C2orf49: variants seen among roughly 807,000 people sequenced by gnomAD.
The protein encoded by C2orf49 is tRNA-splicing ligase complex subunit ASW.
A neutral mutation model predicts 20.6 loss-of-function variants in C2orf49; 11 were observed. That is an observed-to-expected ratio of 0.53 (90% CI 0.34 to 0.88). The LOEUF (loss-of-function observed/expected upper bound fraction) is 0.88. Ranked by LOEUF, C2orf49 falls within the 40% of genes least tolerant of loss-of-function variation. C2orf49 has a pLI of 0.02. For missense variants in C2orf49, 289 were observed against 274.2 expected (o/e 1.05, Z -0.38); for synonymous variants, 134 against 108.5 (o/e 1.24, Z -1.46).
At chr2:105,343,877 G>A (rs948342008) in intron 3 of C2orf49, among the ~76,000 whole-genome samples, 4 of 151,404 alleles carry the variant, frequency 2.6e-5, no homozygotes, top group East Asian at 1.9e-4. Context: ...ATATATAGGC[G>A]CTTCAGAAAA....
In C2orf49 at chr2:105,346,334, A is replaced by G. The variant is rs1421498507; in HGVS notation, c.*963A>G. The G allele has an allele frequency of 6.6e-6, 1 of 152,198 alleles. No homozygotes were observed. Among genetic ancestry groups the G allele is most frequent in the Admixed American group, 6.5e-5 (1 of 15,278 alleles). The allele number at this position is 152,198 out of a possible 1,614,324, so 9.4% of individuals were successfully genotyped here. A position where few individuals can be genotyped will look rare whatever the true frequency, so the allele number is the denominator to read the frequency against. On this transcript the variant is annotated 3_prime_UTR_variant, in exon 4 of 4. Coordinates refer to ENST00000258457, the MANE Select transcript of C2orf49 (RefSeq NM_024093.3). The stretch of plus-strand genomic sequence containing the variant: ...TCCTTGAAGTTGTAACAATTGATAC[A>G]TATATTATGAGTTGACTGGTCGATT...
chr2:105,339,514 T>G (rs1679606544), intron 1 of C2orf49, 69 bp from the exon 2 acceptor site: 1 of 1,409,436 alleles, frequency 7.1e-7, no homozygotes, highest in African/African-American at 1.5e-5. Context: ...TTTACCATGT[T>G]AGGTAAGGTG....
intron 3 of C2orf49, 74 bp downstream of exon 3, chr2:105,343,297 G>T: frequency 6.9e-7 from 1 of 1,449,112 alleles, no homozygotes; most frequent in Non-Finnish European, 9.2e-7. Flanking sequence ...ATGACGGGAG[G>T]TGGGTCGACT....
rs773007450 is a variant in C2orf49, at chr2:105,343,095, A to G, written c.514A>G (p.Lys172Glu). 3 of 1,614,254 alleles carry G rather than the reference A, an allele frequency of 1.9e-6. No individual in the cohort carries two copies. The highest frequency in any genetic ancestry group is 1.7e-5 in the Admixed American group (1 of 60,026). ...AACGGAACACAATAATAATGACGCT[A>G]AACAGAACCATGACTTAACGCATAG... ...NKTEHNNNDAKQNHDLTHRKS... is the reference protein window; with the variant it reads ...NKTEHNNNDAEQNHDLTHRKS... The change falls in exon 3 of 4, where the codon AAA (lysine) becomes GAA (glutamate). Residue 172 changes from lysine to glutamate, a missense_variant. By Grantham distance (56) the Lys-to-Glu change is moderately conservative. Coordinates refer to ENST00000258457, the MANE Select transcript of C2orf49 (RefSeq NM_024093.3).
chr2:105,384,844 C>A, the C2orf49 span, among the ~76,000 whole-genome samples: 1 of 152,148 alleles, frequency 6.6e-6, no homozygotes, highest in South Asian at 2.1e-4. Flanking sequence ...GAGATGTGCA[C>A]GGAAGGGTCA....
At chr2:105,385,489 A>G in the C2orf49 span, among the ~76,000 whole-genome samples, 350 of 152,384 alleles carry the variant, frequency 2.3e-3, 3 homozygotes, top group African/African-American at 8.2e-3. Context: ...GAAAAGAGAT[A>G]GTAAAATGCC....
At chr2:105,365,424 A>G in the C2orf49 span, among the ~76,000 whole-genome samples, 3 of 152,258 alleles carry the variant, frequency 2.0e-5, no homozygotes, top group Non-Finnish European at 4.4e-5. Flanking sequence ...GCATCCCAGA[A>G]GGATGTGTTG....
chr2:105,354,403 G>A, the C2orf49 span, among the ~76,000 whole-genome samples: 5 of 152,104 alleles, frequency 3.3e-5, no homozygotes, highest in East Asian at 5.8e-4. Flanking sequence ...GGTGGCTCAC[G>A]CCTGTAATCC....
chr2:105,344,143 A>G (rs993390497), intron 3 of C2orf49, among the ~76,000 whole-genome samples: 1 of 152,210 alleles, frequency 6.6e-6, no homozygotes, highest in African/African-American at 2.4e-5. Context: ...AAGGAAACAG[A>G]AACTTAGTAA....
the C2orf49 span, among the ~76,000 whole-genome samples, chr2:105,356,853 A>G: frequency 6.6e-6 from 1 of 152,176 alleles, no homozygotes; most frequent in Non-Finnish European, 1.5e-5. Context: ...CTCTGCATTT[A>G]TCTTACTTTG....
At chr2:105,342,352 A>G (rs1454941072) in intron 2 of C2orf49, among the ~76,000 whole-genome samples, 1 of 152,258 alleles carries the variant, frequency 6.6e-6, no homozygotes, top group Non-Finnish European at 1.5e-5. Context: ...ACTTGTACAA[A>G]TGTCCAGTTA....
At chr2:105,363,062 A>G in the C2orf49 span, 4 of 542,870 alleles carry the variant, frequency 7.4e-6, no homozygotes, top group Non-Finnish European at 1.3e-5. Context: ...AGCACTGGCC[A>G]TATGGTTGTG....
the C2orf49 span, chr2:105,363,179 G>T: frequency 9.5e-7 from 1 of 1,052,954 alleles, no homozygotes; most frequent in Non-Finnish European, 1.4e-6. Context: ...CAGAGCCTTA[G>T]GGAGGTCTGG....
At chr2:105,354,620 C>T in the C2orf49 span, among the ~76,000 whole-genome samples, 2 of 151,490 alleles carry the variant, frequency 1.3e-5, no homozygotes, top group African/African-American at 4.9e-5. Flanking sequence ...GAGCCCTGAT[C>T]GCACCATTGC....
chr2:105,357,437 T>C, the C2orf49 span, among the ~76,000 whole-genome samples: 1 of 152,200 alleles, frequency 6.6e-6, no homozygotes, highest in Non-Finnish European at 1.5e-5. Context: ...TTGGTTTGTT[T>C]GGTGAGTAAA....
the C2orf49 span, chr2:105,373,488 G>A: frequency 1.3e-6 from 2 of 1,540,264 alleles, no homozygotes; most frequent in South Asian, 1.1e-5. Flanking sequence ...AATGTGAACA[G>A]GGGGTCAGAG....
rs1679802873 is a variant in C2orf49, at chr2:105,346,051, T to G, written c.*680T>G. On this transcript the variant is annotated 3_prime_UTR_variant, in exon 4 of 4. Coordinates refer to ENST00000258457, the MANE Select transcript of C2orf49 (RefSeq NM_024093.3). ...TGGGGGAAATTTGAGATTTTTGAGA[T>G]TTTTTTTAAAAACTCAAATATTTTA... 1 of 152,062 alleles carries G rather than the reference T, an allele frequency of 6.6e-6. No individual in the cohort carries two copies. Among genetic ancestry groups the G allele is most frequent in the African/African-American group, 2.4e-5 (1 of 41,380 alleles). 9.4% of individuals were successfully genotyped at this position (152,062 alleles called of 1,614,324 possible). A position where few individuals can be genotyped will look rare whatever the true frequency, so the allele number is the denominator to read the frequency against.
At chr2:105,362,301 CAT>C in the C2orf49 span, among the ~76,000 whole-genome samples, 10 of 152,144 alleles carry the variant, frequency 6.6e-5, no homozygotes, top group African/African-American at 2.4e-4. Flanking sequence ...TGCTTTTCTT[CAT>C]ATTTTAATTT....
downstream of C2orf49, among the ~76,000 whole-genome samples, chr2:105,352,672 C>T (rs1679966291): frequency 6.6e-6 from 1 of 151,932 alleles, no homozygotes. Context: ...TCTCGATCTC[C>T]TGACCTTGTG....
Sources: allele counts gnomAD v4.1 joint callset (sites outside exome capture counted in the v4.1 genomes callset), GRCh38; gene constraint gnomAD v4.1.1; transcripts MANE v1.5; gene names NCBI Gene and HGNC (gene_info 2026-07-23, HGNC 2026-07-21).